Variants in GDA observed in about 807,000 individuals in gnomAD.
GDA encodes the protein cytoplasmic PSD-95 interactor.
Under a neutral mutation model 59.6 loss-of-function variants are expected in GDA, and 18 were observed. The ratio of observed to expected loss-of-function variants is 0.30; its 90% CI spans 0.21 to 0.45. The LOEUF is 0.45. Ranked by LOEUF, GDA falls within the 20% of genes least tolerant of loss-of-function variation. The pLI is 1.00. For synonymous variants in GDA, 201 were observed against 201.1 expected (o/e 1.00, Z 0.00); for missense variants, 427 against 552.3 (o/e 0.77, Z 2.27).
At position 72,228,000 on chromosome 9, in the gene GDA, C is replaced by G; in HGVS notation, c.880C>G (p.Arg294Gly). 1 of 1,605,450 alleles carries G rather than the reference C, an allele frequency of 6.2e-7. No individual in the cohort carries two copies. Among genetic ancestry groups the G allele is most frequent in the African/African-American group, 1.3e-5 (1 of 74,842 alleles). ...SAEELNVFHERGASIAHCPNS... is the reference protein window; with the variant it reads ...SAEELNVFHEGGASIAHCPNS... ...AGAAGAACTGAACGTATTCCATGAA[C>G]GAGGAGCATCCATCGCACACTGTCC... Residue 294 changes from arginine to glycine, a missense_variant, in exon 9 of 14, where the codon CGA becomes GGA. Arg to Gly is a moderately radical substitution (Grantham distance 125). Transcript: ENST00000358399.
intron 1 of GDA, among the ~76,000 whole-genome samples, chr9:72,183,740 A>G (rs10869143): frequency 0.73 from 111,530 of 152,048 alleles, 40,931 homozygotes; most frequent in Middle Eastern, 0.78. Flanking sequence ...ACAAGTTAAC[A>G]CATGTAAAGT....
At chr9:72,203,393 A>G (rs542895907) in intron 3 of GDA, among the ~76,000 whole-genome samples, 2 of 152,306 alleles carry the variant, frequency 1.3e-5, no homozygotes, top group South Asian at 2.1e-4. Flanking sequence ...TGACTTGAGC[A>G]CTGACACCAC....
Position 72,251,250 on chromosome 9 carries a change from A to T in GDA, c.*2908A>T, listed in dbSNP as rs555992542. ...TTAAAGTGTACCCTTCAATATCCCC[A>T]TTGGCAACTGCAGCTGAGATCTTAG... On this transcript the variant is annotated 3_prime_UTR_variant, in exon 14 of 14. Coordinates refer to ENST00000358399, the MANE Select transcript of GDA (RefSeq NM_004293.5). 6.2e-6 allele frequency: 1 copy of T among 161,080 alleles called. No homozygotes were observed. Among genetic ancestry groups the T allele is most frequent in the Non-Finnish European group, 1.4e-5 (1 of 73,948 alleles). 10.0% of individuals were successfully genotyped at this position (161,080 alleles called of 1,614,324 possible). A position where few individuals can be genotyped will look rare whatever the true frequency, so the allele number is the denominator to read the frequency against.
In GDA at chr9:72,241,244, A is replaced by G. The variant is rs1256679581; in HGVS notation, c.1081A>G (p.Lys361Glu). 1 of 1,609,518 alleles carries G rather than the reference A, an allele frequency of 6.2e-7. No individual in the cohort carries two copies. Among genetic ancestry groups the G allele is most frequent in the Non-Finnish European group, 8.5e-7 (1 of 1,176,454 alleles). Residue 361 changes from lysine (K) to glutamate (E), a missense_variant, in exon 11 of 14, where the codon AAA (lysine) becomes GAA (glutamate). Coordinates refer to ENST00000358399, the MANE Select transcript of GDA (RefSeq NM_004293.5). The part of the protein sequence containing the change: ...NILLINKVNE[K>E]SLTLKEVFRL... ...CCTTTTAATTAATAAGGTAAATGAGAAAAGCCTCACCCTCAAAGAAGTCTT... is the reference window on the plus strand; with the variant it reads ...CCTTTTAATTAATAAGGTAAATGAGGAAAGCCTCACCCTCAAAGAAGTCTT...
At chr9:72,169,458 TACTGG>T (rs1401074982) in intron 1 of GDA, among the ~76,000 whole-genome samples, 1 of 152,234 alleles carries the variant, frequency 6.6e-6, no homozygotes, top group Non-Finnish European at 1.5e-5. Flanking sequence ...AAATATTTCT[TACTGG>T]ACTTGGATTT....
intron 5 of GDA, chr9:72,214,742 T>G (rs1225084297): frequency 2.9e-6 from 1 of 347,948 alleles, no homozygotes. Context: ...TTCTTTTCTT[T>G]TCTTTTTTTG....
chr9:72,206,795 T>C (rs987766931), intron 3 of GDA, among the ~76,000 whole-genome samples: 3 of 152,126 alleles, frequency 2.0e-5, no homozygotes, highest in Non-Finnish European at 4.4e-5. Flanking sequence ...ATTATAATTA[T>C]AATTTAACAA....
intron 10 of GDA, among the ~76,000 whole-genome samples, chr9:72,240,125 TG>T (rs1168259414): frequency 6.6e-6 from 1 of 152,212 alleles, no homozygotes; most frequent in Non-Finnish European, 1.5e-5. Context: ...CATTTGATTA[TG>T]ATTAGGGACT....
At chr9:72,214,795 G>T (rs1014257976) in intron 5 of GDA, 2 of 284,182 alleles carry the variant, frequency 7.0e-6, no homozygotes, top group Non-Finnish European at 1.3e-5. Context: ...GTGCAATGGC[G>T]CGATCTCAGC....
At chr9:72,131,889 AG>A (rs1826039067) in intron 1 of GDA, among the ~76,000 whole-genome samples, 1 of 152,210 alleles carries the variant, frequency 6.6e-6, no homozygotes, top group African/African-American at 2.4e-5. Context: ...GGAAAGAAAA[AG>A]ATGTTTAATG....
At chr9:72,180,186 A>G (rs993679257) in intron 1 of GDA, among the ~76,000 whole-genome samples, 10 of 152,200 alleles carry the variant, frequency 6.6e-5, no homozygotes, top group African/African-American at 2.4e-4. Context: ...GTGAAACCCC[A>G]TCTCTACTAA....
chr9:72,258,315 A>G (rs1403808128), downstream of GDA, among the ~76,000 whole-genome samples: 1 of 151,402 alleles, frequency 6.6e-6, no homozygotes, highest in African/African-American at 2.4e-5. Flanking sequence ...CCTGCCTCAA[A>G]AAGAAAAAAA....
At chr9:72,144,771 A>G (rs1300414897), upstream of GDA, among the ~76,000 whole-genome samples, 1 of 152,134 alleles carries the variant, frequency 6.6e-6, no homozygotes, top group East Asian at 1.9e-4. Flanking sequence ...CTGGGTTCTC[A>G]CCTAAGAACT....
chr9:72,186,111 C>T (rs751451977), intron 1 of GDA, among the ~76,000 whole-genome samples: 22 of 152,216 alleles, frequency 1.4e-4, no homozygotes, highest in Non-Finnish European at 2.2e-4. Flanking sequence ...AATGAGTGAA[C>T]GGGTTTCCTG....
intron 1 of GDA, among the ~76,000 whole-genome samples, chr9:72,135,596 A>G (rs1587318190): frequency 6.6e-6 from 1 of 152,120 alleles, no homozygotes; most frequent in East Asian, 2.0e-4. Flanking sequence ...AGAAGTATGA[A>G]CAAAGTAGTA....
chr9:72,235,704 T>G (rs1838904281), intron 10 of GDA, among the ~76,000 whole-genome samples: 1 of 144,126 alleles, frequency 6.9e-6, no homozygotes, highest in Non-Finnish European at 1.5e-5. Context: ...AAAAAAAAAA[T>G]TCCTTGTCTC....
intron 1 of GDA, among the ~76,000 whole-genome samples, chr9:72,162,526 C>A (rs777103031): frequency 5.3e-5 from 8 of 151,816 alleles, no homozygotes; most frequent in Non-Finnish European, 1.0e-4. Context: ...GAACCAGGAA[C>A]CAGGTGGCAA....
chr9:72,207,776 G>T (rs900144481), intron 3 of GDA, among the ~76,000 whole-genome samples: 1 of 152,112 alleles, frequency 6.6e-6, no homozygotes, highest in South Asian at 2.1e-4. Flanking sequence ...GACTTTTGGG[G>T]CTAACCAATA....
intron 1 of GDA, among the ~76,000 whole-genome samples, chr9:72,117,060 A>G (rs1331991054): frequency 1.3e-5 from 2 of 152,062 alleles, no homozygotes; most frequent in African/African-American, 4.8e-5. Flanking sequence ...GTTTGCTCAG[A>G]ATGATGGTTT....
Sources: allele counts gnomAD v4.1 joint callset (sites outside exome capture counted in the v4.1 genomes callset), GRCh38; gene constraint gnomAD v4.1.1; transcripts MANE v1.5; gene names NCBI Gene and HGNC (gene_info 2026-07-23, HGNC 2026-07-21).